The following FIRRM variants were observed in gnomAD, a reference collection of about 807,000 sequenced individuals.
The protein encoded by FIRRM is FIGNL1-interacting regulator of recombination and mitosis.
At chr1:169,810,258 T>A in the FIRRM span, among the ~76,000 whole-genome samples, 1 of 152,176 alleles carries the variant, frequency 6.6e-6, no homozygotes, top group African/African-American at 2.4e-5. Context: ...TGGAAAAAAG[T>A]CAAAATAAAA....
the FIRRM span, among the ~76,000 whole-genome samples, chr1:169,827,390 C>T: frequency 6.6e-6 from 1 of 152,172 alleles, no homozygotes; most frequent in Non-Finnish European, 1.5e-5. Flanking sequence ...GTAATCCCAG[C>T]ACTTTGGGAG....
At chr1:169,797,816 A>G in the FIRRM span, among the ~76,000 whole-genome samples, 1 of 152,206 alleles carries the variant, frequency 6.6e-6, no homozygotes, top group South Asian at 2.1e-4. Flanking sequence ...TGCTGGGACT[A>G]CAGGCGTGAG....
chr1:169,815,183 C>G, the FIRRM span, among the ~76,000 whole-genome samples: 1 of 151,540 alleles, frequency 6.6e-6, no homozygotes, highest in Non-Finnish European at 1.5e-5. Context: ...GTAATCCCAG[C>G]TACTCCGGAG....
the FIRRM span, among the ~76,000 whole-genome samples, chr1:169,849,255 G>A: frequency 6.6e-6 from 1 of 152,214 alleles, no homozygotes; most frequent in Non-Finnish European, 1.5e-5. Context: ...AGCAAGTATA[G>A]CTAACACAAA....
At chr1:169,796,238 C>T in the FIRRM span, among the ~76,000 whole-genome samples, 1 of 152,156 alleles carries the variant, frequency 6.6e-6, no homozygotes, top group African/African-American at 2.4e-5. Flanking sequence ...AACTTGAAAA[C>T]AAATAGCCAC....
At chr1:169,829,350 T>C in the FIRRM span, 35 of 1,613,884 alleles carry the variant, frequency 2.2e-5, no homozygotes, top group Non-Finnish European at 2.9e-5. Flanking sequence ...GATTAAAGAG[T>C]AAGGGGAAAG....
At chr1:169,853,741 T>A in the FIRRM span, 2 of 1,613,584 alleles carry the variant, frequency 1.2e-6, no homozygotes, top group Non-Finnish European at 1.7e-6. Context: ...CCAGTTCAGC[T>A]CCCCTTCTTC....
chr1:169,821,301 ATT>A, the FIRRM span, among the ~76,000 whole-genome samples: 1 of 151,964 alleles, frequency 6.6e-6, no homozygotes, highest in Non-Finnish European at 1.5e-5. Context: ...TTTATATATC[ATT>A]CTTTCTTTGA....
At chr1:169,820,599 CAA>C in the FIRRM span, among the ~76,000 whole-genome samples, 1 of 152,192 alleles carries the variant, frequency 6.6e-6, no homozygotes, top group Non-Finnish European at 1.5e-5. Flanking sequence ...AAAGTTCAGT[CAA>C]GCATCTTTTC....
the FIRRM span, among the ~76,000 whole-genome samples, chr1:169,842,043 G>GTA: frequency 2.0e-5 from 3 of 151,976 alleles, no homozygotes; most frequent in Admixed American, 2.0e-4. Context: ...TCGTGTGGTG[G>GTA]TATGTGCCTG....
At chr1:169,816,776 G>C in the FIRRM span, among the ~76,000 whole-genome samples, 1 of 152,124 alleles carries the variant, frequency 6.6e-6, no homozygotes, top group African/African-American at 2.4e-5. Flanking sequence ...GTTTTCCCAA[G>C]GGCCTTTATT....
the FIRRM span, chr1:169,853,361 A>AAATT: frequency 9.3e-6 from 3 of 323,354 alleles, no homozygotes; most frequent in East Asian, 1.8e-4. Flanking sequence ...GAATGGCACA[A>AAATT]AATTAAGCTA....
the FIRRM span, chr1:169,829,345 A>G: frequency 6.2e-7 from 1 of 1,613,740 alleles, no homozygotes; most frequent in Non-Finnish European, 8.5e-7. Flanking sequence ...ACAGGGATTA[A>G]AGAGTAAGGG....
the FIRRM span, among the ~76,000 whole-genome samples, chr1:169,791,337 C>T: frequency 0.7 from 106,910 of 152,136 alleles, 37,761 homozygotes; most frequent in Middle Eastern, 0.85. Context: ...TATAATTATA[C>T]ATAAACTAGG....
the FIRRM span, among the ~76,000 whole-genome samples, chr1:169,843,308 A>C: frequency 6.6e-6 from 1 of 152,224 alleles, no homozygotes; most frequent in South Asian, 2.1e-4. Flanking sequence ...ATTATAATGT[A>C]AACCAAAATT....
chr1:169,824,839 ATCTG>A, the FIRRM span, among the ~76,000 whole-genome samples: 2 of 152,212 alleles, frequency 1.3e-5, no homozygotes, highest in Non-Finnish European at 2.9e-5. Context: ...CAGGCCTGTT[ATCTG>A]TCTATTATCA....
the FIRRM span, chr1:169,852,090 T>C: frequency 9.7e-7 from 1 of 1,034,716 alleles, no homozygotes; most frequent in Middle Eastern, 2.0e-4. Flanking sequence ...TGGTAGTTGC[T>C]TTTAAAATTA....
At chr1:169,804,214 A>C in the FIRRM span, 1 of 1,567,730 alleles carries the variant, frequency 6.4e-7, no homozygotes, top group Non-Finnish European at 8.6e-7. Context: ...GTAGATGACA[A>C]TGATGATATT....
chr1:169,785,260 C>A, the FIRRM span, among the ~76,000 whole-genome samples: 1 of 152,158 alleles, frequency 6.6e-6, no homozygotes. Flanking sequence ...GCTCTGGCCC[C>A]GTGGTACTGT....
Sources: gnomAD v4.1 joint callset for allele counts (sites outside exome capture counted in the v4.1 genomes callset) on GRCh38, gnomAD v4.1.1 for gene constraint, MANE v1.5 for transcripts, NCBI Gene and HGNC (gene_info 2026-07-23, HGNC 2026-07-21) for gene names.